AKAP6: variants seen among roughly 807,000 people sequenced by gnomAD.
AKAP6 encodes the protein A-kinase anchoring protein 6.
AKAP6 carries 58 observed loss-of-function variants against 188.5 expected under a neutral mutation model. The ratio of observed to expected loss-of-function variants is 0.31; its 90% CI spans 0.25 to 0.38. The LOEUF is 0.38. Among genes scored for constraint, AKAP6 ranks in the 10% least tolerant of loss-of-function variants. AKAP6 has a pLI of 1.00. For synonymous variants in AKAP6, 989 were observed against 998.6 expected (o/e 0.99, Z 0.18); for missense variants, 2,710 against 2,740.0 (o/e 0.99, Z 0.24).
chr14:32,410,020 A>G (rs1889430024), intron 1 of AKAP6, among the ~76,000 whole-genome samples: 1 of 152,146 alleles, frequency 6.6e-6, no homozygotes, highest in African/African-American at 2.4e-5. Context: ...GCATAACATC[A>G]CATAACAAAT....
In AKAP6 at chr14:32,834,999, T is replaced by A. The variant is rs1441100436; in HGVS notation, c.*5194T>A. 1 of 152,236 alleles carries A rather than the reference T, an allele frequency of 6.6e-6. No homozygotes were observed. The highest frequency in any genetic ancestry group is 1.5e-5 in the Non-Finnish European group (1 of 68,034). 9.4% of individuals were successfully genotyped at this position (152,236 alleles called of 1,614,324 possible). On this transcript the variant is annotated 3_prime_UTR_variant, in exon 14 of 14. Coordinates refer to ENST00000280979, the MANE Select transcript of AKAP6 (RefSeq NM_004274.5). ...TGACATGTGAAAATCATATGAAATTTAAATTTTGGTGTCCATGTATAAAGT... is the reference window on the plus strand; with the variant it reads ...TGACATGTGAAAATCATATGAAATTAAAATTTTGGTGTCCATGTATAAAGT...
intron 7 of AKAP6, among the ~76,000 whole-genome samples, chr14:32,619,907 C>T (rs566874033): frequency 6.6e-6 from 1 of 152,000 alleles, no homozygotes; most frequent in Non-Finnish European, 1.5e-5. Flanking sequence ...AAGTATATTC[C>T]TGGATATTTT....
At chr14:32,688,617 G>A (rs1029389362) in intron 8 of AKAP6, among the ~76,000 whole-genome samples, 5 of 152,204 alleles carry the variant, frequency 3.3e-5, no homozygotes, top group African/African-American at 1.2e-4. Flanking sequence ...AACTTCTTAT[G>A]CTGTTGAGAC....
intron 2 of AKAP6, among the ~76,000 whole-genome samples, chr14:32,436,702 A>G (rs1471091622): frequency 6.6e-6 from 1 of 152,176 alleles, no homozygotes; most frequent in Admixed American, 6.6e-5. Flanking sequence ...TTTGGGAGGC[A>G]GAGATGGGCA....
intron 1 of AKAP6, among the ~76,000 whole-genome samples, chr14:32,419,387 G>A (rs148003122): frequency 1.5e-3 from 224 of 152,208 alleles, no homozygotes; most frequent in Non-Finnish European, 1.9e-3. Flanking sequence ...TTTGAAAATC[G>A]TGCTCTTTAT....
At chr14:32,747,265 G>A (rs1594905686) in intron 11 of AKAP6, among the ~76,000 whole-genome samples, 1 of 152,172 alleles carries the variant, frequency 6.6e-6, no homozygotes, top group South Asian at 2.1e-4. Context: ...CAGTTTTGAT[G>A]TATAAGAAAA....
intron 2 of AKAP6, among the ~76,000 whole-genome samples, chr14:32,512,825 T>C (rs1881326107): frequency 2.0e-5 from 3 of 152,190 alleles, no homozygotes; most frequent in Non-Finnish European, 2.9e-5. Flanking sequence ...TAATTTAGGC[T>C]CTAATGCTCA....
chr14:32,730,299 A>C (rs1318587145), intron 9 of AKAP6, among the ~76,000 whole-genome samples: 1 of 152,180 alleles, frequency 6.6e-6, no homozygotes, highest in East Asian at 1.9e-4. Flanking sequence ...CAAGCTGTTT[A>C]GACAGTCGGC....
chr14:32,695,190 ATTGT>A lies in AKAP6; in HGVS notation c.2880-797_2880-794del, dbSNP rs1890353366. On this transcript the variant is annotated intron_variant, in intron 8 of 13. Transcript: ENST00000280979. ...ATGATTGCTGGCTATTCAAAGATTC[ATTGT>A]TTTGACTTCCTGTCCTTACCTTTGT... Among the ~76,000 whole-genome samples, 7 of 152,124 alleles carry A rather than the reference ATTGT, an allele frequency of 4.6e-5. No individual in the cohort carries two copies. The South Asian group carries it at 1.4e-3, about 31-fold the overall frequency.
chr14:32,484,646 TG>T (rs1468338605), intron 2 of AKAP6: 1 of 212,722 alleles, frequency 4.7e-6, no homozygotes, highest in Non-Finnish European at 6.8e-6. Flanking sequence ...ATTGTAGATG[TG>T]GTCGTTACCT....
chr14:32,490,005 G>A (rs887659576), intron 2 of AKAP6, among the ~76,000 whole-genome samples: 3 of 152,030 alleles, frequency 2.0e-5, no homozygotes, highest in Admixed American at 6.6e-5. Context: ...TAGGAGCAAT[G>A]TTTTTCGGAC....
chr14:32,682,885 C>G (rs1339543734), intron 8 of AKAP6, among the ~76,000 whole-genome samples: 1 of 152,090 alleles, frequency 6.6e-6, no homozygotes, highest in Non-Finnish European at 1.5e-5. Flanking sequence ...TTAGAAATGT[C>G]ATTTCTAGGT....
chr14:32,826,449 C>T (rs952577121), intron 13 of AKAP6, among the ~76,000 whole-genome samples: 3 of 152,106 alleles, frequency 2.0e-5, no homozygotes, highest in Non-Finnish European at 2.9e-5. Flanking sequence ...CTATTAGAAC[C>T]GATTGTACTG....
intron 3 of AKAP6, among the ~76,000 whole-genome samples, chr14:32,539,537 A>ATTT: frequency 6.6e-6 from 1 of 152,298 alleles, no homozygotes; most frequent in Admixed American, 6.5e-5. Flanking sequence ...GTTGAATTAA[A>ATTT]TAATACAGAT....
intron 12 of AKAP6, among the ~76,000 whole-genome samples, chr14:32,801,056 A>G (rs886383891): frequency 6.6e-6 from 1 of 152,120 alleles, no homozygotes; most frequent in Admixed American, 6.6e-5. Flanking sequence ...TTGTATAGAC[A>G]GCATATAGTT....
intron 2 of AKAP6, among the ~76,000 whole-genome samples, chr14:32,501,677 G>C (rs534834417): frequency 6.6e-6 from 1 of 152,220 alleles, no homozygotes; most frequent in Non-Finnish European, 1.5e-5. Flanking sequence ...TTGATGCCCA[G>C]GCAGATTAAC....
At chr14:32,579,061 C>T (rs772700105) in intron 5 of AKAP6, among the ~76,000 whole-genome samples, 1 of 152,130 alleles carries the variant, frequency 6.6e-6, no homozygotes, top group Non-Finnish European at 1.5e-5. Flanking sequence ...GCTAATGCAA[C>T]TGAAGAAATG....
Position 32,830,168 on chromosome 14 carries a change from A to T in AKAP6, c.*363A>T. On this transcript the variant is annotated 3_prime_UTR_variant, in exon 14 of 14. Transcript: ENST00000280979. ...TCCACTCTTTAAAGTTCTGCAGTTC[A>T]CCAACTGGTAGTCCATTAAATTCTC... is the stretch of plus-strand genomic sequence containing the variant. 3.8e-6 allele frequency: 2 copies of T among 530,492 alleles called. No individual in the cohort carries two copies. Among genetic ancestry groups the T allele is most frequent in the South Asian group, 5.1e-5 (2 of 39,114 alleles). 32.9% of individuals were successfully genotyped at this position (530,492 alleles called of 1,614,324 possible). A position where few individuals can be genotyped will look rare whatever the true frequency, so the allele number is the denominator to read the frequency against.
intron 1 of AKAP6, among the ~76,000 whole-genome samples, chr14:32,430,836 G>A (rs1890194678): frequency 6.6e-6 from 1 of 152,146 alleles, no homozygotes; most frequent in Non-Finnish European, 1.5e-5. Context: ...GCTGGGTGCG[G>A]TGGCTCATGC....
Sources: gnomAD v4.1 joint callset for allele counts (sites outside exome capture counted in the v4.1 genomes callset) on GRCh38, gnomAD v4.1.1 for gene constraint, MANE v1.5 for transcripts, NCBI Gene and HGNC (gene_info 2026-07-23, HGNC 2026-07-21) for gene names.